ZNF423: variants seen among roughly 807,000 people sequenced by gnomAD.
ZNF423 encodes the protein Ebf-associated zinc finger protein.
ZNF423 carries 12 observed loss-of-function variants against 95.8 expected under a neutral mutation model. The ratio of observed to expected loss-of-function variants is 0.13; its 90% CI spans 0.08 to 0.20. The LOEUF is 0.20. Ranked by LOEUF, ZNF423 falls within the 10% of genes least tolerant of loss-of-function variation. The probability of loss-of-function intolerance (pLI) is 1.00; values close to 1 mark genes in which losing one functional copy is unlikely to be tolerated. For missense variants in ZNF423, 1,316 were observed against 1,737.1 expected, an observed-to-expected ratio of 0.76 and a Z score of 4.31; for synonymous variants, 749 against 711.9, an observed-to-expected ratio of 1.05 and a Z score of -0.83.
chr16:49,524,533 A>C (rs1968527633), intron 6 of ZNF423, among the ~76,000 whole-genome samples: 1 of 151,678 alleles, frequency 6.6e-6, no homozygotes, highest in East Asian at 1.9e-4. Flanking sequence ...TGTTTGGGGG[A>C]TTTGCCCCAG....
intron 1 of ZNF423, among the ~76,000 whole-genome samples, chr16:49,818,994 C>T (rs2034898155): frequency 6.6e-6 from 1 of 152,070 alleles, no homozygotes; most frequent in African/African-American, 2.4e-5. Flanking sequence ...TGGCTCATGC[C>T]TGTAATCCCA....
chr16:49,608,494 C>T (rs761420192), intron 5 of ZNF423, among the ~76,000 whole-genome samples: 7 of 152,122 alleles, frequency 4.6e-5, no homozygotes, highest in Non-Finnish European at 1.0e-4. Context: ...ATTCCTCTGT[C>T]GAAGTACAAC....
At chr16:49,707,080 G>T (rs2032376239) in intron 3 of ZNF423, among the ~76,000 whole-genome samples, 1 of 152,026 alleles carries the variant, frequency 6.6e-6, no homozygotes, top group Admixed American at 6.5e-5. Flanking sequence ...CCTTTCCATG[G>T]CCTGCGAGGC....
intron 7 of ZNF423, among the ~76,000 whole-genome samples, chr16:49,497,200 C>T (rs970677032): frequency 7.2e-6 from 1 of 139,544 alleles, no homozygotes; most frequent in Non-Finnish European, 1.6e-5. Flanking sequence ...CCCATCCACT[C>T]ACCCATCCAT....
chr16:49,661,433 A>G (rs1047182351), intron 3 of ZNF423, among the ~76,000 whole-genome samples: 1 of 152,146 alleles, frequency 6.6e-6, no homozygotes, highest in Non-Finnish European at 1.5e-5. Flanking sequence ...TTACTTCCTA[A>G]CCAGGACCTG....
chr16:49,749,297 G>A (rs1292568099), intron 2 of ZNF423, among the ~76,000 whole-genome samples: 1 of 152,170 alleles, frequency 6.6e-6, no homozygotes, highest in African/African-American at 2.4e-5. Flanking sequence ...AGCATCCCAG[G>A]TCCTGACCTT....
In ZNF423 at chr16:49,704,092, G is replaced by A. The variant is rs896752205; in HGVS notation, c.301+26679C>T. On this transcript the variant is annotated intron_variant, in intron 3 of 7. Coordinates refer to ENST00000563137, the MANE Select transcript of ZNF423 (RefSeq NM_001379286.1). ...TCAAAGAGGGCCTGGAGGCAGAAAG[G>A]GATGACTGAGCCCGGGTCTCAGGGA... Among the ~76,000 whole-genome samples the A allele has an allele frequency of 5.3e-5, 8 of 152,170 alleles. No individual in the cohort carries two copies. The East Asian group carries it at 1.5e-3, about 29-fold the overall frequency.
At chr16:49,687,699 G>A (rs752019897) in intron 3 of ZNF423, among the ~76,000 whole-genome samples, 4 of 152,208 alleles carry the variant, frequency 2.6e-5, no homozygotes, top group African/African-American at 9.7e-5. Context: ...GTCATGTGGA[G>A]AGAGGGGAGA....
At chr16:49,539,880 T>C (rs1969189208) in intron 5 of ZNF423, among the ~76,000 whole-genome samples, 1 of 152,152 alleles carries the variant, frequency 6.6e-6, no homozygotes, top group Non-Finnish European at 1.5e-5. Context: ...ACGTCTGGGC[T>C]GGCAGGAGTT....
intron 5 of ZNF423, among the ~76,000 whole-genome samples, chr16:49,533,196 G>A (rs1471460332): frequency 1.3e-5 from 2 of 152,178 alleles, no homozygotes; most frequent in African/African-American, 4.8e-5. Flanking sequence ...TCCAGCATCT[G>A]ACAAGTCTCC....
At chr16:49,588,344 G>C (rs1211052917) in intron 5 of ZNF423, among the ~76,000 whole-genome samples, 1 of 152,168 alleles carries the variant, frequency 6.6e-6, no homozygotes, top group Non-Finnish European at 1.5e-5. Context: ...CTGTCCAGAG[G>C]GGTGGCAGCT....
At chr16:49,556,150 A>G (rs1969819441) in intron 5 of ZNF423, among the ~76,000 whole-genome samples, 1 of 152,166 alleles carries the variant, frequency 6.6e-6, no homozygotes, top group Non-Finnish European at 1.5e-5. Flanking sequence ...CCAACTGTGG[A>G]CAGTAGAGAA....
In ZNF423 at chr16:49,553,304, A is replaced by G. The variant is rs143094527; in HGVS notation, c.3602-27810T>C. Among the ~76,000 whole-genome samples the G allele has an allele frequency of 6.1e-3, 926 of 152,224 alleles. 12 individuals carry two copies. The highest frequency in any genetic ancestry group is 0.021 in the African/African-American group (887 of 41,566). ...TTCAATATTATGGTCATGATTAAAA[A>G]TGTAAACATTATAATTTATATATAT... On this transcript the variant is annotated intron_variant, in intron 5 of 7. Coordinates refer to ENST00000563137, the MANE Select transcript of ZNF423 (RefSeq NM_001379286.1).
rs554933794 is a variant in ZNF423, at chr16:49,624,497, G to T, written c.3601+1673C>A. ...GAACCTGCGAGGCGGAGGTTGCAGTGGGCAGAGATCGTGCCACTGCACTCC... is the reference window on the plus strand; with the variant it reads ...GAACCTGCGAGGCGGAGGTTGCAGTTGGCAGAGATCGTGCCACTGCACTCC... On this transcript the variant is annotated intron_variant, in intron 5 of 7. Transcript: ENST00000563137. 7.2e-5 allele frequency among the ~76,000 whole-genome samples: 11 copies of T among 152,276 alleles called. No individual in the cohort carries two copies. The East Asian group carries it at 2.1e-3, about 29-fold the overall frequency.
chr16:49,848,236 C>T (rs1419963632), intron 1 of ZNF423, among the ~76,000 whole-genome samples: 2 of 152,156 alleles, frequency 1.3e-5, no homozygotes, highest in Admixed American at 6.5e-5. Context: ...TGAGCATCTG[C>T]AGGACCTGGG....
At chr16:49,821,125 T>G (rs2034933651) in intron 1 of ZNF423, among the ~76,000 whole-genome samples, 1 of 151,908 alleles carries the variant, frequency 6.6e-6, no homozygotes, top group Non-Finnish European at 1.5e-5. Flanking sequence ...TTTTATAGCC[T>G]GAAATGGAAT....
rs143075848 is a variant in ZNF423 at position 49,641,320 on chromosome 16, G to C, written c.302-2446C>G. Among the ~76,000 whole-genome samples, 6 of 152,326 alleles carry C rather than the reference G, an allele frequency of 3.9e-5. No homozygotes were observed. The East Asian group carries it at 1.2e-3, about 29-fold the overall frequency. ...CAGTCAAATAAGACCACTCCTGCGT[G>C]GGTAAGAAGGGGAGAGGCCCACGTG... is the stretch of plus-strand genomic sequence containing the variant. On this transcript the variant is annotated intron_variant, in intron 3 of 7. Coordinates refer to ENST00000563137, the MANE Select transcript of ZNF423 (RefSeq NM_001379286.1).
At chr16:49,804,188 G>T (rs2034626351) in intron 1 of ZNF423, among the ~76,000 whole-genome samples, 1 of 152,024 alleles carries the variant, frequency 6.6e-6, no homozygotes, top group Admixed American at 6.5e-5. Context: ...GCCCATCTCG[G>T]CCTCCCAAAG....
chr16:49,718,419 C>T (rs558499838), intron 3 of ZNF423, among the ~76,000 whole-genome samples: 198 of 152,200 alleles, frequency 1.3e-3, no homozygotes, highest in Non-Finnish European at 2.1e-3. Flanking sequence ...AATAAAAGAT[C>T]TGTGAATGAA....
Sources: gnomAD v4.1 joint callset for allele counts (sites outside exome capture counted in the v4.1 genomes callset) on GRCh38, gnomAD v4.1.1 for gene constraint, MANE v1.5 for transcripts, NCBI Gene and HGNC (gene_info 2026-07-23, HGNC 2026-07-21) for gene names.